Variants in CNTNAP2 observed in about 807,000 individuals in gnomAD.
The protein encoded by CNTNAP2 is contactin-associated protein-like 2.
CNTNAP2 carries 98 observed loss-of-function variants against 155.2 expected under a neutral mutation model. That is an observed-to-expected ratio of 0.63 (90% CI 0.54 to 0.75). The LOEUF is 0.75. Ranked by LOEUF, CNTNAP2 falls within the 30% of genes least tolerant of loss-of-function variation. The pLI is 0.00. For synonymous variants in CNTNAP2, 651 were observed against 631.2 expected, an observed-to-expected ratio of 1.03 and a Z score of -0.47; for missense variants, 1,727 against 1,688.1, an observed-to-expected ratio of 1.02 and a Z score of -0.40.
chr7:146,144,600 T>G (rs955102492), intron 1 of CNTNAP2, among the ~76,000 whole-genome samples: 3 of 152,250 alleles, frequency 2.0e-5, no homozygotes, highest in Non-Finnish European at 4.4e-5. Flanking sequence ...TATTGCTGAA[T>G]GGGCTGTTGT....
At chr7:147,676,301 T>C (rs903411991) in intron 13 of CNTNAP2, among the ~76,000 whole-genome samples, 2 of 152,046 alleles carry the variant, frequency 1.3e-5, no homozygotes, top group African/African-American at 4.8e-5. Context: ...TGTTAGCTAC[T>C]ATTATCAACA....
intron 1 of CNTNAP2, among the ~76,000 whole-genome samples, chr7:146,448,690 A>G (rs180740495): frequency 2.6e-5 from 4 of 152,256 alleles, no homozygotes; most frequent in East Asian, 3.9e-4. Flanking sequence ...TTACCAAACT[A>G]GCATAATAAA....
At chr7:146,285,532 CTG>C (rs1444267673) in intron 1 of CNTNAP2, among the ~76,000 whole-genome samples, 2 of 151,960 alleles carry the variant, frequency 1.3e-5, no homozygotes, top group East Asian at 2.0e-4. Context: ...TTTAGGTAAA[CTG>C]TGAATCCTTG....
At chr7:146,287,260 T>C (rs927655053) in intron 1 of CNTNAP2, among the ~76,000 whole-genome samples, 1 of 152,164 alleles carries the variant, frequency 6.6e-6, no homozygotes, top group Non-Finnish European at 1.5e-5. Context: ...GTGAGATCAA[T>C]TTGTGTGCTC....
At chr7:147,970,461 A>G (rs2116854351) in intron 14 of CNTNAP2, among the ~76,000 whole-genome samples, 2 of 152,316 alleles carry the variant, frequency 1.3e-5, no homozygotes, top group Middle Eastern at 3.4e-3. Context: ...TCAGTGGCTC[A>G]TGCCTATAAT....
At chr7:147,114,600 A>G (rs567199034) in intron 5 of CNTNAP2, among the ~76,000 whole-genome samples, 14 of 152,216 alleles carry the variant, frequency 9.2e-5, no homozygotes, top group African/African-American at 3.4e-4. Flanking sequence ...TTGGTGGGTT[A>G]AAGTCTGTTT....
chr7:146,287,014 G>C (rs1057483286), intron 1 of CNTNAP2, among the ~76,000 whole-genome samples: 1 of 152,062 alleles, frequency 6.6e-6, no homozygotes, highest in Non-Finnish European at 1.5e-5. Context: ...GGAGCAAACA[G>C]AACAACCTCA....
intron 3 of CNTNAP2, among the ~76,000 whole-genome samples, chr7:146,958,098 A>G (rs892644720): frequency 6.6e-6 from 1 of 152,224 alleles, no homozygotes; most frequent in South Asian, 2.1e-4. Flanking sequence ...ATTAGAGATG[A>G]ATTAGGGAGG....
At chr7:147,146,769 A>G (rs936514318) in intron 8 of CNTNAP2, 12 of 152,236 alleles carry the variant, frequency 7.9e-5, no homozygotes, top group Non-Finnish European at 1.5e-4. Flanking sequence ...ATTAAAATGT[A>G]TGCCAAGAAT....
intron 21 of CNTNAP2, among the ~76,000 whole-genome samples, chr7:148,369,384 G>A (rs1300143325): frequency 6.6e-6 from 1 of 150,708 alleles, no homozygotes; most frequent in Non-Finnish European, 1.5e-5. Context: ...ACTACACCCG[G>A]CTAATTTGTG....
At chr7:146,809,529 T>G (rs566264443) in intron 2 of CNTNAP2, among the ~76,000 whole-genome samples, 32 of 151,918 alleles carry the variant, frequency 2.1e-4, no homozygotes, top group African/African-American at 7.7e-4. Context: ...ATCTGGCTGA[T>G]TTTTTTGTAT....
At chr7:147,934,353 C>A (rs1174688321) in intron 14 of CNTNAP2, among the ~76,000 whole-genome samples, 1 of 152,166 alleles carries the variant, frequency 6.6e-6, no homozygotes, top group Admixed American at 6.5e-5. Flanking sequence ...CAAGTCAAGT[C>A]TTACTTGGAT....
rs537655416 is a variant in CNTNAP2, at chr7:146,919,307, G to T, written c.402+79403G>T. On this transcript the variant is annotated intron_variant, in intron 3 of 23. Coordinates refer to ENST00000361727, the MANE Select transcript of CNTNAP2 (RefSeq NM_014141.6). ...TGTTTTCTGGTTCATTCTCATTTGG[G>T]TAGACTATGTCAGAGGGAAGATCTG... Among the ~76,000 whole-genome samples, 6 of 152,298 alleles carry T rather than the reference G, an allele frequency of 3.9e-5. No homozygotes were observed. The South Asian group carries it at 1.2e-3, about 32-fold the overall frequency.
intron 1 of CNTNAP2, among the ~76,000 whole-genome samples, chr7:146,319,718 G>A (rs1448703912): frequency 6.6e-6 from 1 of 152,196 alleles, no homozygotes; most frequent in East Asian, 1.9e-4. Flanking sequence ...GTGGGGCACT[G>A]AATCTGATTG....
At chr7:148,123,767 T>A (rs1039472661) in intron 16 of CNTNAP2, among the ~76,000 whole-genome samples, 3 of 151,248 alleles carry the variant, frequency 2.0e-5, no homozygotes, top group African/African-American at 7.3e-5. Context: ...ATTCAAGGAA[T>A]AGAAGGAAGA....
intron 18 of CNTNAP2, among the ~76,000 whole-genome samples, chr7:148,175,724 G>A (rs1794922562): frequency 6.6e-6 from 1 of 152,000 alleles, no homozygotes; most frequent in South Asian, 2.1e-4. Flanking sequence ...ATAGCCCAGG[G>A]GGACAGATAA....
intron 8 of CNTNAP2, among the ~76,000 whole-genome samples, chr7:147,243,878 C>T (rs1364334353): frequency 6.6e-6 from 1 of 151,906 alleles, no homozygotes; most frequent in Non-Finnish European, 1.5e-5. Flanking sequence ...TAGTTGGCAC[C>T]AAGGACACAC....
At chr7:146,882,045 A>C (rs938101470) in intron 3 of CNTNAP2, among the ~76,000 whole-genome samples, 16 of 151,988 alleles carry the variant, frequency 1.1e-4, no homozygotes, top group Admixed American at 4.6e-4. Context: ...GCTCCCACTT[A>C]TAAGTGAAGA....
intron 9 of CNTNAP2, among the ~76,000 whole-genome samples, chr7:147,369,696 T>G (rs1349653652): frequency 6.6e-6 from 1 of 152,174 alleles, no homozygotes; most frequent in Non-Finnish European, 1.5e-5. Context: ...TCCTCAAAGT[T>G]ATTATTTCTA....
Sources: allele counts gnomAD v4.1 joint callset (sites outside exome capture counted in the v4.1 genomes callset), GRCh38; gene constraint gnomAD v4.1.1; transcripts MANE v1.5; gene names NCBI Gene and HGNC (gene_info 2026-07-23, HGNC 2026-07-21).